Variants in REV3L observed in about 807,000 individuals in gnomAD.
The protein encoded by REV3L is DNA polymerase zeta catalytic subunit.
REV3L carries 69 observed loss-of-function variants against 299.4 expected under a neutral mutation model. The ratio of observed to expected loss-of-function variants is 0.23; its 90% CI spans 0.19 to 0.28. The LOEUF is 0.28. Among genes scored for constraint, REV3L ranks in the 10% least tolerant of loss-of-function variants. The probability of loss-of-function intolerance (pLI) is 1.00; values close to 1 mark genes in which losing one functional copy is unlikely to be tolerated. For missense variants in REV3L, 3,128 were observed against 3,693.8 expected, an observed-to-expected ratio of 0.85 and a Z score of 3.97; for synonymous variants, 1,238 against 1,271.4, an observed-to-expected ratio of 0.97 and a Z score of 0.56.
At chr6:111,364,053 CTCAGA>C (rs932319390) in intron 15 of REV3L, 75 bp from the exon 16 acceptor site, 2 of 1,541,686 alleles carry the variant, frequency 1.3e-6, no homozygotes, top group Non-Finnish European at 1.7e-6. Context: ...ATTACTTATT[CTCAGA>C]TAATATGCTT....
At chr6:111,317,265 A>G (rs190681236) in intron 26 of REV3L, among the ~76,000 whole-genome samples, 82 of 152,352 alleles carry the variant, frequency 5.4e-4, no homozygotes, top group Non-Finnish European at 2.6e-4. Context: ...TGACAGCCTA[A>G]TATGAAAAAT....
intron 20 of REV3L, 121 bp from the exon 21 acceptor site, chr6:111,344,164 C>T (rs1172434659): frequency 1.6e-6 from 1 of 629,254 alleles, no homozygotes; most frequent in East Asian, 2.8e-5. Flanking sequence ...ACTTGTAAAA[C>T]TGATGTGCAG....
intron 1 of REV3L, among the ~76,000 whole-genome samples, chr6:111,447,696 T>C (rs1192912960): frequency 3.9e-5 from 6 of 152,172 alleles, no homozygotes; most frequent in African/African-American, 1.2e-4. Flanking sequence ...GGGGCAGTGA[T>C]CCAATAAAGT....
intron 1 of REV3L, among the ~76,000 whole-genome samples, chr6:111,458,950 A>G (rs1790455146): frequency 6.6e-6 from 1 of 152,126 alleles, no homozygotes; most frequent in African/African-American, 2.4e-5. Flanking sequence ...TTCATATGGA[A>G]CCAAAAAACA....
At chr6:111,364,347 A>G (rs1274860174) in intron 15 of REV3L, among the ~76,000 whole-genome samples, 1 of 152,132 alleles carries the variant, frequency 6.6e-6, no homozygotes, top group Non-Finnish European at 1.5e-5. Context: ...TACTTTGGCT[A>G]AAGTTTGTAA....
chr6:111,430,620 G>T (rs1786787124), intron 1 of REV3L: 2 of 1,525,556 alleles, frequency 1.3e-6, no homozygotes, highest in Non-Finnish European at 1.8e-6. Flanking sequence ...CTCGCAGAGT[G>T]GGGAGGACAG....
At chr6:111,454,054 T>C (rs766234975) in intron 1 of REV3L, among the ~76,000 whole-genome samples, 1 of 152,066 alleles carries the variant, frequency 6.6e-6, no homozygotes, top group East Asian at 1.9e-4. Context: ...ATAGATTCAG[T>C]TGGTTTCTTA....
At chr6:111,329,489 A>G (rs1241628465) in intron 25 of REV3L, 43 bp downstream of exon 25, 1 of 1,589,106 alleles carries the variant, frequency 6.3e-7, no homozygotes, top group South Asian at 1.1e-5. Context: ...GCCTCACTGT[A>G]TTTTAGTCTC....
At chr6:111,409,662 T>C (rs1784039303) in intron 3 of REV3L, among the ~76,000 whole-genome samples, 1 of 152,120 alleles carries the variant, frequency 6.6e-6, no homozygotes, top group Admixed American at 6.6e-5. Flanking sequence ...GAGTAGAGGA[T>C]AGAGAATAGT....
intron 5 of REV3L, among the ~76,000 whole-genome samples, chr6:111,392,081 C>A (rs976752218): frequency 1.3e-5 from 2 of 152,146 alleles, no homozygotes; most frequent in Non-Finnish European, 2.9e-5. Context: ...CCACAGTTTT[C>A]TCATATAAAA....
chr6:111,431,091 G>T, intron 1 of REV3L: 1 of 1,498,342 alleles, frequency 6.7e-7, no homozygotes, highest in Non-Finnish European at 9.3e-7. Context: ...ATATCAACAA[G>T]AATGATTCTG....
At chr6:111,457,150 T>C (rs1046250513) in intron 1 of REV3L, among the ~76,000 whole-genome samples, 1 of 152,060 alleles carries the variant, frequency 6.6e-6, no homozygotes, top group Admixed American at 6.6e-5. Context: ...TTAATTGTAC[T>C]GTACCTCAAG....
At chr6:111,369,281 C>CAAA (rs71021838) in intron 13 of REV3L, among the ~76,000 whole-genome samples, 18 of 68,128 alleles carry the variant, frequency 2.6e-4, no homozygotes, top group African/African-American at 3.3e-4. Context: ...GACTCTGTCT[C>CAAA]AAAAAAAAAA....
chr6:111,482,724 C>T, intron 1 of REV3L, 26 bp downstream of exon 1: 4 of 1,304,114 alleles, frequency 3.1e-6, no homozygotes, highest in Non-Finnish European at 3.9e-6. Context: ...ACTCCCGCTC[C>T]CGCCCCGCGC....
intron 1 of REV3L, among the ~76,000 whole-genome samples, chr6:111,478,126 G>A (rs750461159): frequency 2.6e-5 from 4 of 152,258 alleles, no homozygotes; most frequent in Admixed American, 2.6e-4. Flanking sequence ...GAAATTTTAA[G>A]TTCCTTAAAA....
rs1165627274 is a variant in REV3L, at chr6:111,373,427, T to C, written c.4928A>G (p.His1643Arg). ...YSLEDSLSPE[H>R]NYNFDINTIG... The stretch of plus-strand genomic sequence containing the variant: ...TGTGTTAATATCAAAATTATAATTA[T>C]GTTCAGGAGATAAACTATCTTCAAG... Residue 1643 changes from histidine (H) to arginine (R), a missense_variant, in exon 13 of 32, where the codon CAT (histidine) becomes CGT (arginine). By Grantham distance (29) the His-to-Arg change is conservative. This residue lies in a region of REV3L where 2,409 missense variants were observed against 2,611.8 expected (regional missense o/e 0.92). Coordinates refer to ENST00000368802, the MANE Select transcript of REV3L (RefSeq NM_001372078.1). 2.4e-5 allele frequency: 38 copies of C among 1,613,376 alleles called. No individual in the cohort carries two copies. The highest frequency in any genetic ancestry group is 3.1e-5 in the Non-Finnish European group (37 of 1,179,776).
chr6:111,381,910 T>C (rs750042406), intron 9 of REV3L, among the ~76,000 whole-genome samples: 14 of 152,162 alleles, frequency 9.2e-5, no homozygotes, highest in Non-Finnish European at 1.8e-4. Context: ...TTTGAATGCA[T>C]AAAAAATAAA....
At chr6:111,412,794 A>G (rs1784385252) in intron 2 of REV3L, among the ~76,000 whole-genome samples, 1 of 151,102 alleles carries the variant, frequency 6.6e-6, no homozygotes, top group Non-Finnish European at 1.5e-5. Context: ...ACTATTTACC[A>G]AGGTCTAAAG....
chr6:111,479,294 A>G (rs1350533734), intron 1 of REV3L, among the ~76,000 whole-genome samples: 2 of 152,220 alleles, frequency 1.3e-5, no homozygotes, highest in Non-Finnish European at 2.9e-5. Flanking sequence ...TTATTCTACA[A>G]ATGATACTGC....
Sources: allele counts gnomAD v4.1 joint callset (sites outside exome capture counted in the v4.1 genomes callset), GRCh38; gene constraint gnomAD v4.1.1; regional missense constraint gnomAD v4.1.1; transcripts MANE v1.5; gene names NCBI Gene and HGNC (gene_info 2026-07-23, HGNC 2026-07-21).